The following LINGO2 variants were observed in gnomAD, a reference collection of about 807,000 sequenced individuals.
LINGO2 encodes the protein leucine-rich repeat and immunoglobulin-like domain-containing nogo receptor-interacting protein 2.
A neutral mutation model predicts 30.6 loss-of-function variants in LINGO2; 14 were observed. The observed-to-expected ratio is 0.46, with a 90% confidence interval of 0.30 to 0.72. The LOEUF (loss-of-function observed/expected upper bound fraction) is 0.72. Ranked by LOEUF, LINGO2 falls within the 30% of genes least tolerant of loss-of-function variation. The pLI is 0.07. For missense variants in LINGO2, 729 were observed against 751.7 expected, an observed-to-expected ratio of 0.97 and a Z score of 0.35; for synonymous variants, 317 against 288.5, an observed-to-expected ratio of 1.10 and a Z score of -1.00.
At chr9:28,169,954 C>T (rs1828535866) in intron 4 of LINGO2, among the ~76,000 whole-genome samples, 1 of 152,120 alleles carries the variant, frequency 6.6e-6, no homozygotes, top group African/African-American at 2.4e-5. Context: ...GGTTACATCC[C>T]TTTTGACCCA....
At chr9:28,995,040 G>A in the LINGO2 span, among the ~76,000 whole-genome samples, 1 of 151,860 alleles carries the variant, frequency 6.6e-6, no homozygotes, top group Non-Finnish European at 1.5e-5. Flanking sequence ...AAACTAAAGA[G>A]CTTCTGCACA....
chr9:28,385,060 C>G (rs941073157), intron 2 of LINGO2, among the ~76,000 whole-genome samples: 2 of 152,092 alleles, frequency 1.3e-5, no homozygotes, highest in African/African-American at 4.8e-5. Context: ...TTGTGATGTA[C>G]TAAGCTAGAC....
intron 5 of LINGO2, among the ~76,000 whole-genome samples, chr9:27,996,140 G>C (rs936964997): frequency 6.6e-6 from 1 of 152,038 alleles, no homozygotes; most frequent in African/African-American, 2.4e-5. Context: ...GAAAATAACA[G>C]ATACTGGTAA....
At chr9:29,039,573 T>C in the LINGO2 span, among the ~76,000 whole-genome samples, 183 of 152,256 alleles carry the variant, frequency 1.2e-3, no homozygotes, top group African/African-American at 4.3e-3. Context: ...TCATTCCCAG[T>C]TCTGTCTACT....
intron 4 of LINGO2, among the ~76,000 whole-genome samples, chr9:28,275,848 G>A (rs887931582): frequency 6.6e-6 from 1 of 152,078 alleles, no homozygotes; most frequent in South Asian, 2.1e-4. Flanking sequence ...AACAATGAAG[G>A]GAACATTCAA....
At chr9:28,438,977 TGAA>T (rs754044749) in intron 2 of LINGO2, among the ~76,000 whole-genome samples, 1 of 146,966 alleles carries the variant, frequency 6.8e-6, no homozygotes, top group Non-Finnish European at 1.5e-5. Context: ...TTATATATAA[TGAA>T]ATATAGATAA....
chr9:28,700,718 A>C, the LINGO2 span, among the ~76,000 whole-genome samples: 29 of 152,090 alleles, frequency 1.9e-4, no homozygotes, highest in Non-Finnish European at 2.9e-4. Flanking sequence ...TTTTATAAGA[A>C]ACTTCCAAAC....
intron 1 of LINGO2, among the ~76,000 whole-genome samples, chr9:28,536,929 A>G (rs1351135440): frequency 3.3e-5 from 5 of 152,094 alleles, no homozygotes; most frequent in Non-Finnish European, 7.4e-5. Flanking sequence ...ATACGAGCTT[A>G]TTTGAAAATA....
At chr9:28,743,992 TC>T in the LINGO2 span, among the ~76,000 whole-genome samples, 3 of 151,472 alleles carry the variant, frequency 2.0e-5, no homozygotes, top group Non-Finnish European at 4.4e-5. Context: ...TGTTCATTTT[TC>T]TTTTTTTCTC....
intron 3 of LINGO2, among the ~76,000 whole-genome samples, chr9:28,296,319 A>G (rs986570429): frequency 6.6e-6 from 1 of 152,112 alleles, no homozygotes; most frequent in Admixed American, 6.6e-5. Context: ...AAACTATTAG[A>G]TTTTTTATAA....
the LINGO2 span, among the ~76,000 whole-genome samples, chr9:28,836,407 C>T: frequency 9.2e-5 from 14 of 152,124 alleles, no homozygotes; most frequent in African/African-American, 3.1e-4. Flanking sequence ...CTCCACCTCC[C>T]GGGTTCAAGC....
chr9:28,994,688 A>G, the LINGO2 span, among the ~76,000 whole-genome samples: 1 of 152,048 alleles, frequency 6.6e-6, no homozygotes, highest in African/African-American at 2.4e-5. Flanking sequence ...TCAATGCAAC[A>G]GAACAGAGCC....
At chr9:28,991,415 A>G in the LINGO2 span, among the ~76,000 whole-genome samples, 10 of 150,592 alleles carry the variant, frequency 6.6e-5, no homozygotes, top group African/African-American at 2.4e-4. Context: ...TGATGGGGAG[A>G]ATGGAACCAA....
chr9:29,029,857 C>T, the LINGO2 span, among the ~76,000 whole-genome samples: 1 of 137,050 alleles, frequency 7.3e-6, no homozygotes, highest in Non-Finnish European at 1.6e-5. Context: ...TTAAAAGAAG[C>T]TTTCAGTTTT....
chr9:28,313,931 A>G (rs1362172824), intron 3 of LINGO2, among the ~76,000 whole-genome samples: 1 of 151,746 alleles, frequency 6.6e-6, no homozygotes, highest in African/African-American at 2.4e-5. Flanking sequence ...GACCAGTGAG[A>G]ATTGATTTTT....
intron 4 of LINGO2, among the ~76,000 whole-genome samples, chr9:28,261,562 A>G (rs1210548700): frequency 6.6e-6 from 1 of 151,948 alleles, no homozygotes; most frequent in African/African-American, 2.4e-5. Context: ...TACTCCTAAT[A>G]AGATACCTTT....
At chr9:28,974,107 T>C in the LINGO2 span, among the ~76,000 whole-genome samples, 73 of 152,116 alleles carry the variant, frequency 4.8e-4, 1 homozygote, top group Non-Finnish European at 5.9e-5. Context: ...ATATAGGCAG[T>C]ACAACAATAT....
chr9:29,054,808 A>G, the LINGO2 span, among the ~76,000 whole-genome samples: 1 of 152,220 alleles, frequency 6.6e-6, no homozygotes, highest in Non-Finnish European at 1.5e-5. Flanking sequence ...TAGAAAACAG[A>G]CTAAAACAAA....
intron 3 of LINGO2, among the ~76,000 whole-genome samples, chr9:28,325,645 T>C (rs1825199347): frequency 1.3e-5 from 2 of 152,174 alleles, no homozygotes; most frequent in Admixed American, 6.5e-5. Context: ...TTCTGTCTCG[T>C]CTGTCACCAT....
Sources: gnomAD v4.1 joint callset for allele counts (sites outside exome capture counted in the v4.1 genomes callset) on GRCh38, gnomAD v4.1.1 for gene constraint, MANE v1.5 for transcripts, NCBI Gene and HGNC (gene_info 2026-07-23, HGNC 2026-07-21) for gene names.